SETD2: variants seen among roughly 807,000 people sequenced by gnomAD.
The protein encoded by SETD2 is SET domain containing 2, histone lysine methyltransferase.
Under a neutral mutation model 242.1 loss-of-function variants are expected in SETD2, and 31 were observed. The observed-to-expected ratio is 0.13, with a 90% confidence interval of 0.10 to 0.17. The LOEUF (loss-of-function observed/expected upper bound fraction) is 0.17. Among genes scored for constraint, SETD2 ranks in the 10% least tolerant of loss-of-function variants. The pLI is 1.00. For missense variants in SETD2, 2,481 were observed against 3,046.3 expected, an observed-to-expected ratio of 0.81 and a Z score of 4.37; for synonymous variants, 1,006 against 1,066.5, an observed-to-expected ratio of 0.94 and a Z score of 1.11.
chr3:47,164,198 G>T (rs1008064573), upstream of SETD2, among the ~76,000 whole-genome samples: 4 of 152,114 alleles, frequency 2.6e-5, no homozygotes, highest in African/African-American at 9.7e-5. The surrounding 1 kb of genome is among the most constrained non-coding windows in gnomAD (Gnocchi z 5.4). Context: ...GACACACACG[G>T]GCCACCGATC....
chr3:47,124,310 T>G lies in SETD2; in HGVS notation c.326A>C (p.Gln109Pro). 1 of 1,551,812 alleles carries G rather than the reference T, an allele frequency of 6.4e-7. No homozygotes were observed. Among genetic ancestry groups the G allele is most frequent in the Non-Finnish European group, 8.7e-7 (1 of 1,147,010 alleles). Residue 109 changes from glutamine (Q) to proline (P), a missense_variant, in exon 3 of 21, where the codon CAG becomes CCG. Around this residue, in one of 17 missense-constraint regions of SETD2, gnomAD observed 334 missense variants for 374.5 expected, o/e 0.89. Transcript: ENST00000409792. ...DTPNPPAVPL[Q>P]VDSTPKMKME... ...TTTCATTTTAGGAGTCGAGTCTACC[T>G]GAAGAGGTACAGCTGGAGGGTTTGG...
At chr3:47,059,442 C>T (rs1208801216) in intron 14 of SETD2, among the ~76,000 whole-genome samples, 2 of 148,426 alleles carry the variant, frequency 1.3e-5, no homozygotes, top group African/African-American at 5.0e-5. Flanking sequence ...TTTTTTGAGA[C>T]GGAGTCTTGC....
At chr3:47,050,330 C>T (rs374735124) in intron 15 of SETD2, among the ~76,000 whole-genome samples, 45 of 152,246 alleles carry the variant, frequency 3.0e-4, no homozygotes, top group African/African-American at 1.1e-3. Flanking sequence ...TAGGCTTACA[C>T]GGAGTCAGGA....
In SETD2 at chr3:47,027,885, G is replaced by A. The variant is rs530099315; in HGVS notation, c.7351-8045C>T. ...CGGCTCACTGCAACCTCCGCCTCCC[G>A]GGTTCACGCCATTCTCCTGCCTCAG... On this transcript the variant is annotated intron_variant, in intron 18 of 20. Transcript: ENST00000409792. Among the ~76,000 whole-genome samples, 60 of 151,260 alleles carry A rather than the reference G, an allele frequency of 4.0e-4. No individual in the cohort carries two copies. In the South Asian group the frequency reaches 8.8e-3, roughly 22 times the overall value.
chr3:47,164,479 C>CCCCGAGACA (rs1167456070), upstream of SETD2: 1 of 152,190 alleles, frequency 6.6e-6, no homozygotes, highest in Non-Finnish European at 1.5e-5. This position sits in a 1 kb window ranked among gnomAD's most constrained non-coding sequence, Gnocchi z 5.4. Context: ...CGGGAGAACT[C>CCCCGAGACA]CCCGAGACAC....
At chr3:47,160,019 A>G (rs1697443139) in intron 1 of SETD2, among the ~76,000 whole-genome samples, 1 of 151,558 alleles carries the variant, frequency 6.6e-6, no homozygotes, top group African/African-American at 2.4e-5. Context: ...AACCCAGTTT[A>G]TTATTACACC....
intron 15 of SETD2, among the ~76,000 whole-genome samples, chr3:47,052,155 A>G (rs2039874034): frequency 6.6e-6 from 1 of 152,062 alleles, no homozygotes; most frequent in Non-Finnish European, 1.5e-5. Flanking sequence ...AAAAACCTAT[A>G]CGAGATTTTT....
intron 1 of SETD2, chr3:47,157,420 T>C (rs1023188584): frequency 2.7e-5 from 12 of 446,370 alleles, no homozygotes; most frequent in Admixed American, 2.0e-4. Context: ...AAAATTAATA[T>C]AGAATCTGAC....
chr3:47,028,649 T>C (rs1195360351), intron 18 of SETD2, among the ~76,000 whole-genome samples: 1 of 152,238 alleles, frequency 6.6e-6, no homozygotes, highest in Non-Finnish European at 1.5e-5. Flanking sequence ...ATGGTCACAA[T>C]GTCCAGTGTT....
chr3:47,139,977 T>A (rs564581148), intron 1 of SETD2, among the ~76,000 whole-genome samples: 2 of 152,186 alleles, frequency 1.3e-5, no homozygotes, highest in African/African-American at 4.8e-5. Context: ...ATATACCGAC[T>A]AAATCTAGAA....
chr3:47,150,392 C>G (rs560309028), intron 1 of SETD2, among the ~76,000 whole-genome samples: 4 of 151,982 alleles, frequency 2.6e-5, no homozygotes, highest in African/African-American at 7.2e-5. Flanking sequence ...TTCCTTTTTG[C>G]CCGTAATATT....
intron 7 of SETD2, 59 bp downstream of exon 7, chr3:47,103,287 A>T (rs2107687777): frequency 8.8e-7 from 1 of 1,130,258 alleles, no homozygotes; most frequent in Non-Finnish European, 1.3e-6. Context: ...ATCTAAAATT[A>T]ATGGTCAGAA....
chr3:47,100,923 C>T (rs1271514005), intron 8 of SETD2, among the ~76,000 whole-genome samples: 9 of 142,254 alleles, frequency 6.3e-5, no homozygotes, highest in Admixed American at 6.1e-4. Flanking sequence ...GGCAGGAGAA[C>T]GGCATGAACC....
intron 18 of SETD2, among the ~76,000 whole-genome samples, chr3:47,031,948 AAG>A (rs2038789600): frequency 1.3e-5 from 2 of 152,246 alleles, no homozygotes; most frequent in Non-Finnish European, 2.9e-5. Flanking sequence ...CAATTCAGTT[AAG>A]AGTGGCAGTT....
At chr3:47,100,907 G>A (rs2042183428) in intron 8 of SETD2, among the ~76,000 whole-genome samples, 1 of 151,030 alleles carries the variant, frequency 6.6e-6, no homozygotes, top group Admixed American at 6.6e-5. Context: ...CTGCTCAGGA[G>A]GCTGAGGCAG....
chr3:47,154,279 C>T (rs559185514), intron 1 of SETD2, among the ~76,000 whole-genome samples: 318 of 151,774 alleles, frequency 2.1e-3, no homozygotes, highest in Non-Finnish European at 3.4e-3. Flanking sequence ...CGTGGTGGTG[C>T]GCGCCTGTAG....
chr3:47,129,916 T>G (rs1575828440), intron 1 of SETD2, among the ~76,000 whole-genome samples: 1 of 149,288 alleles, frequency 6.7e-6, no homozygotes. Context: ...AAAAAATTGG[T>G]CTCTACTTTT....
intron 15 of SETD2, among the ~76,000 whole-genome samples, chr3:47,056,144 A>G (rs926939392): frequency 3.2e-5 from 4 of 124,250 alleles, no homozygotes; most frequent in African/African-American, 1.3e-4. Flanking sequence ...ATTTATTTTG[A>G]GATGGCATCT....
chr3:47,092,961 A>C (rs2041864380), intron 9 of SETD2, among the ~76,000 whole-genome samples: 1 of 152,146 alleles, frequency 6.6e-6, no homozygotes, highest in Non-Finnish European at 1.5e-5. Flanking sequence ...TTTTCTTTAT[A>C]GGTTTACTAT....
Sources: gnomAD v4.1 joint callset for allele counts (sites outside exome capture counted in the v4.1 genomes callset) on GRCh38, gnomAD v4.1.1 for gene constraint, gnomAD v4.1.1 regional missense constraint, Gnocchi (gnomAD v3.1) non-coding constraint, MANE v1.5 for transcripts, NCBI Gene and HGNC (gene_info 2026-07-23, HGNC 2026-07-21) for gene names.